RPL4: variants seen among roughly 807,000 people sequenced by gnomAD.
RPL4 encodes the protein ribosomal protein L4.
RPL4 carries 3 observed loss-of-function variants against 47.7 expected under a neutral mutation model. The observed-to-expected ratio is 0.06, with a 90% CI of 0.03 to 0.16. The LOEUF is 0.16. Ranked by LOEUF, RPL4 falls within the 10% of genes least tolerant of loss-of-function variation. The pLI is 1.00. For synonymous variants in RPL4, 208 were observed against 182.1 expected (o/e 1.14, Z -1.15); for missense variants, 413 against 551.3 (o/e 0.75, Z 2.51).
At position 66,499,230 on chromosome 15, in the gene RPL4, C is replaced by A; in HGVS notation, c.*177G>T. 3 of 695,600 alleles carry A rather than the reference C, an allele frequency of 4.3e-6. No individual in the cohort carries two copies. Among genetic ancestry groups the A allele is most frequent in the Non-Finnish European group, 7.2e-6 (3 of 418,180 alleles). The allele number at this position is 695,600 out of a possible 1,614,324, so 43.1% of individuals were successfully genotyped here. The stretch of plus-strand genomic sequence containing the variant: ...AATCCATGCCCCATTTTATACCACA[C>A]TATATAAAATGTAACAGTCTAAATT... On this transcript the variant is annotated 3_prime_UTR_variant, in exon 10 of 10. Coordinates refer to ENST00000307961, the MANE Select transcript of RPL4 (RefSeq NM_000968.4).
At position 66,501,840 on chromosome 15, in the gene RPL4, T is replaced by G. The variant is rs1345422547; in HGVS notation, c.494A>C (p.Lys165Thr). 6.2e-7 allele frequency: 1 copy of G among 1,611,964 alleles called. No homozygotes were observed. The highest frequency in any genetic ancestry group is 8.5e-7 in the Non-Finnish European group (1 of 1,179,972). Reference protein sequence around the residue: ...EDKVEGYKKTKEAVLLLKKLK... With the variant: ...EDKVEGYKKTTEAVLLLKKLK... Reference sequence around the variant, plus strand: ...TTTCTTAAGGAGCAAAACAGCTTCCTTGGTCTTCTTGTAGCCTTCAACTTT... The same window carrying G: ...TTTCTTAAGGAGCAAAACAGCTTCCGTGGTCTTCTTGTAGCCTTCAACTTT... Residue 165 changes from lysine to threonine, a missense_variant, in exon 5 of 10, where the codon AAG (lysine) becomes ACG (threonine). Physicochemically the swap from Lys to Thr is moderately conservative, Grantham distance 78 (BLOSUM62 -1). Transcript: ENST00000307961.
rs1893614618 is a variant in RPL4 at position 66,501,522 on chromosome 15, T to G, written c.547-18A>C. ...GCATAGACCTACAAAGTGAGCAGTT[T>G]TAGTATTCTGATTAAGATAGAATCT... On this transcript the variant is annotated intron_variant, in intron 5 of 9. Transcript: ENST00000307961. 1 of 1,613,750 alleles carries G rather than the reference T, an allele frequency of 6.2e-7. No individual in the cohort carries two copies.
chr15:66,501,113 A>T lies in RPL4; in HGVS notation c.677-8T>A. On this transcript the variant is annotated splice_region_variant and splice_polypyrimidine_tract_variant and intron_variant, in intron 6 of 9. Transcript: ENST00000307961. ...CATTAAGCAGAGTAATTCCTTTTAAAGGGAAAGAAAAATTAGGGAGCCTGT... is the reference window on the plus strand; with the variant it reads ...CATTAAGCAGAGTAATTCCTTTTAATGGGAAAGAAAAATTAGGGAGCCTGT... 1 of 1,608,744 alleles carries T rather than the reference A, an allele frequency of 6.2e-7. No individual in the cohort carries two copies. Among genetic ancestry groups the T allele is most frequent in the Non-Finnish European group, 8.5e-7 (1 of 1,178,636 alleles).
intron 1 of RPL4, 80 bp from the exon 2 acceptor site, chr15:66,503,609 A>G: frequency 7.1e-7 from 1 of 1,407,700 alleles, no homozygotes; most frequent in East Asian, 2.4e-5. Context: ...CAATACCATT[A>G]AATACTCAAT....
In RPL4 at chr15:66,502,406, T is replaced by A. The variant is rs1893638767; in HGVS notation, c.421+206A>T. The A allele has an allele frequency of 6.8e-6, 4 of 587,354 alleles. No homozygotes were observed. The Admixed American group carries it at 1.4e-4, about 21-fold the overall frequency. 36.4% of individuals were successfully genotyped at this position (587,354 alleles called of 1,614,324 possible). ...ATGTAACATGTATTTCTGGAGTACA[T>A]TTGATAACTGAATGCACTCATTTGT... is the stretch of plus-strand genomic sequence containing the variant. On this transcript the variant is annotated intron_variant, in intron 4 of 9. Transcript: ENST00000307961.
At position 66,498,726 on chromosome 15, in the gene RPL4, G is replaced by C. The variant is rs1010308799; in HGVS notation, c.*681C>G. The C allele has an allele frequency of 2.6e-5, 4 of 152,392 alleles. No individual in the cohort carries two copies. The highest frequency in any genetic ancestry group is 4.8e-5 in the African/African-American group (2 of 41,442). The allele number at this position is 152,392 out of a possible 1,614,324, so 9.4% of individuals were successfully genotyped here. ...ATTCTCTTGCCTCAGCCTCCAAGTA[G>C]CTGGGGTTACAGGCATGCACCATGA... On this transcript the variant is annotated 3_prime_UTR_variant, in exon 10 of 10. Transcript: ENST00000307961.
Position 66,501,311 on chromosome 15 carries a change from C to G in RPL4, c.676+64G>C, listed in dbSNP as rs752354297. On this transcript the variant is annotated intron_variant, in intron 6 of 9. Coordinates refer to ENST00000307961, the MANE Select transcript of RPL4 (RefSeq NM_000968.4). ...ACACGGACCTTAAGTGGAATCTCATCATAACAAAAGCTGAGTAGACTTGCA... is the reference window on the plus strand; with the variant it reads ...ACACGGACCTTAAGTGGAATCTCATGATAACAAAAGCTGAGTAGACTTGCA... The G allele has an allele frequency of 1.9e-6, 3 of 1,609,366 alleles. No homozygotes were observed. The African/African-American group carries it at 4.0e-5, about 21-fold the overall frequency.
intron 1 of RPL4, 139 bp from the exon 2 acceptor site, chr15:66,503,668 G>A (rs1893677300): frequency 1.3e-6 from 1 of 750,390 alleles, no homozygotes; most frequent in South Asian, 2.2e-5. Flanking sequence ...AACCAAAATA[G>A]CAGTAAATGA....
chr15:66,502,824 A>T, intron 3 of RPL4, 74 bp from the exon 4 acceptor site: 1 of 1,609,746 alleles, frequency 6.2e-7, no homozygotes, highest in Non-Finnish European at 8.5e-7. Flanking sequence ...CTCAGTAAGA[A>T]TTTTCGTCAA....
rs760414784 is a variant in RPL4 at position 66,502,062 on chromosome 15, G to A, written c.422-150C>T. 5 of 1,013,332 alleles carry A rather than the reference G, an allele frequency of 4.9e-6. No homozygotes were observed. In the African/African-American group the frequency reaches 6.3e-5, roughly 13 times the overall value. The allele number at this position is 1,013,332 out of a possible 1,614,324, so 62.8% of individuals were successfully genotyped here. A position where few individuals can be genotyped will look rare whatever the true frequency, so the allele number is the denominator to read the frequency against. ...AAATATCATGTGTTTCAGAAACACG[G>A]ACCAATTAAGTGGAATCTCATCATT... On this transcript the variant is annotated intron_variant, in intron 4 of 9. Coordinates refer to ENST00000307961, the MANE Select transcript of RPL4 (RefSeq NM_000968.4).
In RPL4 at chr15:66,503,368, A is replaced by G. The variant is rs765412929; in HGVS notation, c.165T>C (p.Ser55=). Residue 55 remains serine, a synonymous_variant, in exon 2 of 10, where the codon AGT becomes AGC. Coordinates refer to ENST00000307961, the MANE Select transcript of RPL4 (RefSeq NM_000968.4). Reference sequence around the variant, plus strand: ...GATATAAATCCATACCTGCTAATTCACTGACAGCATAGGGCTGTCTGTTGT... The same window carrying G: ...GATATAAATCCATACCTGCTAATTCGCTGACAGCATAGGGCTGTCTGTTGT... ...RKNNRQPYAV[S]ELAGHQTSAE... 18 of 1,609,956 alleles carry G rather than the reference A, an allele frequency of 1.1e-5. No individual in the cohort carries two copies. The highest frequency in any genetic ancestry group is 1.5e-5 in the Non-Finnish European group (18 of 1,176,600).
chr15:66,504,223 T>C (rs961159618), intron 1 of RPL4, among the ~76,000 whole-genome samples: 2 of 152,194 alleles, frequency 1.3e-5, no homozygotes, highest in African/African-American at 4.8e-5. Flanking sequence ...TTTCATCTCT[T>C]ACTACCATAG....
At chr15:66,500,844 G>A in intron 7 of RPL4, 105 bp downstream of exon 7, 1 of 1,366,470 alleles carries the variant, frequency 7.3e-7, no homozygotes, top group Non-Finnish European at 1.0e-6. Flanking sequence ...TACTGTTGCT[G>A]CACATAAGGG....
chr15:66,503,011 A>C, intron 3 of RPL4, 47 bp downstream of exon 3: 2 of 1,554,926 alleles, frequency 1.3e-6, no homozygotes, highest in Non-Finnish European at 1.8e-6. Context: ...CCAGGCCGCT[A>C]AATTCCATCA....
chr15:66,500,990 G>A lies in RPL4; in HGVS notation c.792C>T (p.Tyr264=), dbSNP rs752785467. The change falls in exon 7 of 10, where the codon TAC becomes TAT. Residue 264 remains tyrosine, a synonymous_variant. Coordinates refer to ENST00000307961, the MANE Select transcript of RPL4 (RefSeq NM_000968.4). ...GGGAAGCGGCTTTACGCCAAGTGCC[G>A]TACAATTCATCTAACTTCCGGAAAG... ...ESAFRKLDEL[Y]GTWRKAASLK... is the part of the protein sequence containing the mutation. 1.4e-5 allele frequency: 22 copies of A among 1,613,868 alleles called. No individual in the cohort carries two copies. The highest frequency in any genetic ancestry group is 5.3e-5 in the African/African-American group (4 of 74,926).
rs145458553 is a variant in RPL4, at chr15:66,499,868, C to T, written c.1038+188G>A. 598 of 934,342 alleles carry T rather than the reference C, an allele frequency of 6.4e-4. 3 individuals are homozygous for T. In the African/African-American group the frequency reaches 7.6e-3, roughly 12 times the overall value. 57.9% of individuals were successfully genotyped at this position (934,342 alleles called of 1,614,324 possible). A position where few individuals can be genotyped will look rare whatever the true frequency, so the allele number is the denominator to read the frequency against. On this transcript the variant is annotated intron_variant, in intron 9 of 9. Coordinates refer to ENST00000307961, the MANE Select transcript of RPL4 (RefSeq NM_000968.4). ...TGACACCCCGTCTCTACTGAAAATA[C>T]AAAAATTAGCCGGACATGGTGGCGT...
At chr15:66,499,910 C>G in intron 9 of RPL4, 146 bp downstream of exon 9, 2 of 1,082,578 alleles carry the variant, frequency 1.8e-6, no homozygotes, top group Non-Finnish European at 2.6e-6. Flanking sequence ...GTAGTGCCAG[C>G]TACTTGGGAG....
chr15:66,502,825 T>C (rs1893648655), intron 3 of RPL4, 75 bp from the exon 4 acceptor site: 1 of 1,608,542 alleles, frequency 6.2e-7, no homozygotes, highest in South Asian at 1.1e-5. Context: ...TCAGTAAGAA[T>C]TTTCGTCAAC....
At chr15:66,504,228 C>A in intron 1 of RPL4, among the ~76,000 whole-genome samples, 1 of 152,162 alleles carries the variant, frequency 6.6e-6, no homozygotes, top group Non-Finnish European at 1.5e-5. Context: ...TCTCTTACTA[C>A]CATAGAATAT....
Sources: gnomAD v4.1 joint callset for allele counts (sites outside exome capture counted in the v4.1 genomes callset) on GRCh38, gnomAD v4.1.1 for gene constraint, MANE v1.5 for transcripts, NCBI Gene and HGNC (gene_info 2026-07-23, HGNC 2026-07-21) for gene names.